The following UNC13B variants were observed in gnomAD, a reference collection of about 807,000 sequenced individuals.
UNC13B encodes the protein unc-13 homolog B, also known as protein unc-13 homolog B.
Under a neutral mutation model 211.0 loss-of-function variants are expected in UNC13B, and 144 were observed. That is an observed-to-expected ratio of 0.68 (90% CI 0.60 to 0.78). The LOEUF (loss-of-function observed/expected upper bound fraction) is 0.78. UNC13B is among the 30% of genes least tolerant of loss of function. The probability of loss-of-function intolerance (pLI) is 0.00; values close to 1 mark genes in which losing one functional copy is unlikely to be tolerated. For missense variants in UNC13B, 1,777 were observed against 2,002.0 expected, an observed-to-expected ratio of 0.89 and a Z score of 2.14; for synonymous variants, 709 against 725.8, an observed-to-expected ratio of 0.98 and a Z score of 0.37.
At chr9:35,237,887 G>T in intron 5 of UNC13B, 61 bp downstream of exon 5, 1 of 1,518,844 alleles carries the variant, frequency 6.6e-7, no homozygotes, top group Non-Finnish European at 8.9e-7. Flanking sequence ...TTGTTTGCTA[G>T]TTGTTTCATT....
intron 1 of UNC13B, among the ~76,000 whole-genome samples, chr9:35,171,536 G>A (rs562816850): frequency 2.9e-4 from 44 of 151,998 alleles, no homozygotes; most frequent in Non-Finnish European, 5.7e-4. Flanking sequence ...TAAGTAGTTG[G>A]GACTACAAGC....
chr9:35,343,279 T>C (rs1832128148), intron 11 of UNC13B, among the ~76,000 whole-genome samples: 1 of 152,204 alleles, frequency 6.6e-6, no homozygotes, highest in African/African-American at 2.4e-5. Flanking sequence ...AAACTGAAAA[T>C]TCTAAACAAA....
At chr9:35,200,414 A>G (rs1367015823) in intron 1 of UNC13B, among the ~76,000 whole-genome samples, 3 of 152,174 alleles carry the variant, frequency 2.0e-5, no homozygotes, top group Non-Finnish European at 2.9e-5. Context: ...TGAATCTATA[A>G]ATTACCTTGG....
chr9:35,200,494 G>A (rs1389051252), intron 1 of UNC13B, among the ~76,000 whole-genome samples: 1 of 152,120 alleles, frequency 6.6e-6, no homozygotes, highest in African/African-American at 2.4e-5. Flanking sequence ...CATTGTTTGT[G>A]TCCTCTTTTA....
intron 1 of UNC13B, among the ~76,000 whole-genome samples, chr9:35,181,611 T>G (rs1287448608): frequency 6.6e-6 from 1 of 152,086 alleles, no homozygotes; most frequent in Non-Finnish European, 1.5e-5. Flanking sequence ...CCGGAGTGGG[T>G]GGACCACTCG....
chr9:35,369,744 G>A (rs1833997566), intron 12 of UNC13B, among the ~76,000 whole-genome samples: 2 of 152,126 alleles, frequency 1.3e-5, no homozygotes, highest in Non-Finnish European at 2.9e-5. Context: ...TATTACACTT[G>A]ATTATGAGGG....
chr9:35,190,395 C>T (rs190519768), intron 1 of UNC13B, among the ~76,000 whole-genome samples: 1 of 152,220 alleles, frequency 6.6e-6, no homozygotes, highest in African/African-American at 2.4e-5. Flanking sequence ...TTATTACACA[C>T]CAAAGCTCTC....
chr9:35,396,703 G>C, intron 27 of UNC13B, 101 bp downstream of exon 27: 2 of 1,596,788 alleles, frequency 1.3e-6, no homozygotes, highest in South Asian at 1.1e-5. Flanking sequence ...GGGACTGCCT[G>C]TTCAGGTACC....
intron 1 of UNC13B, among the ~76,000 whole-genome samples, chr9:35,222,892 C>T (rs1034024169): frequency 6.6e-6 from 1 of 152,168 alleles, no homozygotes; most frequent in Non-Finnish European, 1.5e-5. Context: ...TCATTCTACT[C>T]TCTGCCTCCA....
intron 11 of UNC13B, among the ~76,000 whole-genome samples, chr9:35,319,880 T>C (rs1282020951): frequency 6.6e-6 from 1 of 152,114 alleles, no homozygotes; most frequent in Non-Finnish European, 1.5e-5. Flanking sequence ...AGGCTGGTCT[T>C]GAACTCCTGG....
At chr9:35,353,589 T>C in intron 11 of UNC13B, 1 of 1,232,070 alleles carries the variant, frequency 8.1e-7, no homozygotes, top group South Asian at 4.1e-5. Context: ...TTGCCAAGTG[T>C]TGCTCTGGCT....
intron 3 of UNC13B, among the ~76,000 whole-genome samples, chr9:35,232,176 G>GTTTTTTTTTTTTTTTTT (rs1564081816): frequency 2.9e-4 from 5 of 16,968 alleles, no homozygotes; most frequent in South Asian, 2.2e-3. Context: ...GTATATTGCT[G>GTTTTTTTTTTTTTTTTT]CTTTTTTTTT....
intron 1 of UNC13B, among the ~76,000 whole-genome samples, chr9:35,183,434 G>A (rs1289854116): frequency 8.4e-5 from 11 of 131,668 alleles, no homozygotes; most frequent in African/African-American, 2.6e-4. Context: ...GATGAAGGGC[G>A]GCCGGGCAGA....
intron 11 of UNC13B, among the ~76,000 whole-genome samples, chr9:35,360,256 A>G (rs929281408): frequency 6.6e-6 from 1 of 152,166 alleles, no homozygotes; most frequent in African/African-American, 2.4e-5. Context: ...CCAAGTTCCT[A>G]TCACATGTGA....
intron 13 of UNC13B, among the ~76,000 whole-genome samples, chr9:35,371,379 CCT>C (rs1210244566): frequency 6.7e-6 from 1 of 148,512 alleles, no homozygotes; most frequent in Non-Finnish European, 1.5e-5. Context: ...AGACGGAGTC[CCT>C]GTTACCCAGG....
chr9:35,170,398 T>G (rs1821270316), intron 1 of UNC13B, among the ~76,000 whole-genome samples: 1 of 152,162 alleles, frequency 6.6e-6, no homozygotes, highest in Non-Finnish European at 1.5e-5. Context: ...ACTCCTGACC[T>G]CAAGTGATCT....
In UNC13B at chr9:35,271,650, C is replaced by T. The variant is rs139109874; in HGVS notation, c.526+12600C>T. ...GATAATATTTCTACCTATATCTTGTCAAAGAATGTAGCAACACACCATGTT... is the reference window on the plus strand; with the variant it reads ...GATAATATTTCTACCTATATCTTGTTAAAGAATGTAGCAACACACCATGTT... On this transcript the variant is annotated intron_variant, in intron 7 of 39. Coordinates refer to ENST00000635942, the MANE Select transcript of UNC13B (RefSeq NM_001371189.2). 1.5e-3 allele frequency among the ~76,000 whole-genome samples: 231 copies of T among 152,298 alleles called. 1 individual carries two copies. The highest frequency in any genetic ancestry group is 5.4e-3 in the African/African-American group (223 of 41,560).
chr9:35,238,654 C>A (rs758566938), intron 5 of UNC13B, among the ~76,000 whole-genome samples: 9 of 151,620 alleles, frequency 5.9e-5, no homozygotes, highest in Non-Finnish European at 1.2e-4. Context: ...CTCCTGGGTT[C>A]AAGTAATTCT....
At chr9:35,315,047 A>T (rs937004263) in intron 11 of UNC13B, among the ~76,000 whole-genome samples, 5 of 136,762 alleles carry the variant, frequency 3.7e-5, no homozygotes, top group South Asian at 2.3e-4. Context: ...TGGCTAATTT[A>T]AAAAAAATTT....
Sources: allele counts gnomAD v4.1 joint callset (sites outside exome capture counted in the v4.1 genomes callset), GRCh38; gene constraint gnomAD v4.1.1; transcripts MANE v1.5; gene names NCBI Gene and HGNC (gene_info 2026-07-23, HGNC 2026-07-21).